TWIST2: variants seen among roughly 807,000 people sequenced by gnomAD.
TWIST2 encodes twist family bHLH transcription factor 2.
A neutral mutation model predicts 11.6 loss-of-function variants in TWIST2; 1 was observed. The ratio of observed to expected loss-of-function variants is 0.09; its 90% CI spans 0.03 to 0.41. TWIST2 has a LOEUF of 0.41. Among genes scored for constraint, TWIST2 ranks in the 10% least tolerant of loss-of-function variants. TWIST2 has a pLI of 0.98. For missense variants in TWIST2, 168 were observed against 226.4 expected, an observed-to-expected ratio of 0.74 and a Z score of 1.66; for synonymous variants, 87 against 96.6, an observed-to-expected ratio of 0.90 and a Z score of 0.58.
At chr2:238,875,341 C>T (rs1040530491) in intron 1 of TWIST2, among the ~76,000 whole-genome samples, 10 of 151,820 alleles carry the variant, frequency 6.6e-5, no homozygotes, top group African/African-American at 1.5e-4. Context: ...AAGAAGAAGA[C>T]GGCCTCTTCC....
At chr2:238,870,535 T>TC (rs1692655040) in intron 1 of TWIST2, among the ~76,000 whole-genome samples, 1 of 13,638 alleles carries the variant, frequency 7.3e-5, no homozygotes, top group Non-Finnish European at 1.4e-4. Flanking sequence ...CCACACACCC[T>TC]ACATACCCCA....
At chr2:238,892,770 C>T (rs1309101189) in intron 1 of TWIST2, among the ~76,000 whole-genome samples, 2 of 152,256 alleles carry the variant, frequency 1.3e-5, no homozygotes, top group East Asian at 1.9e-4. Context: ...TGTGAGCCGC[C>T]GCAACCGGCC....
At chr2:238,909,506 A>G (rs1489272338) in intron 1 of TWIST2, among the ~76,000 whole-genome samples, 2 of 152,042 alleles carry the variant, frequency 1.3e-5, no homozygotes, top group Non-Finnish European at 2.9e-5. Flanking sequence ...GGGCTCACCC[A>G]CAGCCAGACC....
chr2:238,849,572 T>A (rs1692205323), intron 1 of TWIST2, among the ~76,000 whole-genome samples: 1 of 152,100 alleles, frequency 6.6e-6, no homozygotes, highest in South Asian at 2.1e-4. Context: ...GCCCCGCCCA[T>A]CCAGCCCCGC....
chr2:238,895,111 T>A (rs1693192244), intron 1 of TWIST2, among the ~76,000 whole-genome samples: 1 of 152,238 alleles, frequency 6.6e-6, no homozygotes, highest in Non-Finnish European at 1.5e-5. Flanking sequence ...CTGTTGCTGC[T>A]GCTGCCACTG....
intron 1 of TWIST2, among the ~76,000 whole-genome samples, chr2:238,894,374 C>T (rs1445642663): frequency 2.0e-4 from 30 of 152,134 alleles, no homozygotes; most frequent in African/African-American, 5.8e-4. Context: ...GCCACCCAAG[C>T]TGGGCCCCTG....
In TWIST2 at chr2:238,905,912, T is replaced by C. The variant is rs1446154227; in HGVS notation, c.*36-3930T>C. Among the ~76,000 whole-genome samples the C allele has an allele frequency of 5.8e-3, 663 of 113,796 alleles. 2 individuals are homozygous for C. The highest frequency in any genetic ancestry group is 0.024 in the African/African-American group (586 of 24,468). 74.7% of individuals were successfully genotyped at this position (113,796 alleles called of 152,430 possible). On this transcript the variant is annotated intron_variant, in intron 1 of 1. Coordinates refer to ENST00000612363, the MANE Select transcript of TWIST2 (RefSeq NM_001271893.4). Reference sequence around the variant, plus strand: ...GCGCATGCGCGTGTGTGCGTGTGTGTGCGTGCAGGTGTGCGTGTGCGCGTG... The same window carrying C: ...GCGCATGCGCGTGTGTGCGTGTGTGCGCGTGCAGGTGTGCGTGTGCGCGTG...
At chr2:238,848,780 C>A in intron 1 of TWIST2, 47 bp downstream of exon 1, 1 of 1,306,474 alleles carries the variant, frequency 7.7e-7, no homozygotes, top group Non-Finnish European at 9.7e-7. Context: ...GGGGGGCGGG[C>A]GGCAGGGGCG....
chr2:238,906,907 TCTC>T, intron 1 of TWIST2, among the ~76,000 whole-genome samples: 1 of 152,302 alleles, frequency 6.6e-6, no homozygotes, highest in South Asian at 2.1e-4. Context: ...TCAGGGGAGT[TCTC>T]CAATAATTCT....
intron 1 of TWIST2, among the ~76,000 whole-genome samples, chr2:238,882,161 T>G (rs1277715696): frequency 1.3e-5 from 2 of 152,170 alleles, no homozygotes; most frequent in African/African-American, 4.8e-5. Flanking sequence ...TCCCTGTTCA[T>G]ACACCAAGCC....
chr2:238,909,046 GGTATGT>G (rs1693408249), intron 1 of TWIST2, among the ~76,000 whole-genome samples: 1 of 152,246 alleles, frequency 6.6e-6, no homozygotes, highest in Admixed American at 6.5e-5. Flanking sequence ...TCGTGGTTGT[GGTATGT>G]GTATGTGGTG....
intron 1 of TWIST2, among the ~76,000 whole-genome samples, chr2:238,894,858 T>C (rs1386997939): frequency 6.6e-6 from 1 of 152,252 alleles, no homozygotes; most frequent in Non-Finnish European, 1.5e-5. Context: ...ATTATGGACC[T>C]TTTAATCTCT....
At chr2:238,875,996 C>T (rs1258496924) in intron 1 of TWIST2, among the ~76,000 whole-genome samples, 4 of 152,294 alleles carry the variant, frequency 2.6e-5, no homozygotes, top group East Asian at 3.9e-4. Flanking sequence ...TGGGGGACCC[C>T]GAGGCCCTGG....
intron 1 of TWIST2, among the ~76,000 whole-genome samples, chr2:238,901,729 A>G (rs2106373250): frequency 6.6e-6 from 1 of 152,148 alleles, no homozygotes; most frequent in African/African-American, 2.4e-5. Flanking sequence ...CCACTGAAGG[A>G]CCGCGCCCAC....
rs1424297857 is a variant in TWIST2 at position 238,905,001 on chromosome 2, AAAAG to A, written c.*36-4836_*36-4833del. On this transcript the variant is annotated intron_variant, in intron 1 of 1. Coordinates refer to ENST00000612363, the MANE Select transcript of TWIST2 (RefSeq NM_001271893.4). ...AGAAAGAAAAAAAGAAGAAAGAAAG[AAAAG>A]AAAGGAAGGAAGGAAGAAAGAAGTA... Among the ~76,000 whole-genome samples, 29 of 152,004 alleles carry A rather than the reference AAAAG, an allele frequency of 1.9e-4. No homozygotes were observed. The South Asian group carries it at 3.3e-3, about 17-fold the overall frequency.
At chr2:238,878,194 T>G (rs1437830610) in intron 1 of TWIST2, among the ~76,000 whole-genome samples, 1 of 152,140 alleles carries the variant, frequency 6.6e-6, no homozygotes, top group Admixed American at 6.5e-5. Flanking sequence ...TCCCCCACTG[T>G]ACCCCTCCCT....
chr2:238,854,191 A>G (rs1046529841), intron 1 of TWIST2, among the ~76,000 whole-genome samples: 7 of 152,320 alleles, frequency 4.6e-5, no homozygotes, highest in Admixed American at 1.3e-4. Context: ...TTCGGTTATC[A>G]CATTCGATTA....
chr2:238,870,478 A>ACACACACCC (rs1304555981), intron 1 of TWIST2, among the ~76,000 whole-genome samples: 4 of 96,864 alleles, frequency 4.1e-5, no homozygotes, highest in East Asian at 3.1e-4. Context: ...GACACACGCC[A>ACACACACCC]CACACACACC....
chr2:238,857,278 G>A lies in TWIST2; in HGVS notation c.*35+8545G>A, dbSNP rs193299559. ...ACTTCCCTGGTCCCTGAGGCTGGAC[G>A]GGCCTTGGAGCCCATCTTCGCTAAG... On this transcript the variant is annotated intron_variant, in intron 1 of 1. Coordinates refer to ENST00000612363, the MANE Select transcript of TWIST2 (RefSeq NM_001271893.4). Among the ~76,000 whole-genome samples the A allele has an allele frequency of 1.3e-4, 20 of 152,292 alleles. 1 individual carries two copies. In the East Asian group the frequency reaches 3.5e-3, roughly 27 times the overall value.
Sources: gnomAD v4.1 joint callset for allele counts (sites outside exome capture counted in the v4.1 genomes callset) on GRCh38, gnomAD v4.1.1 for gene constraint, MANE v1.5 for transcripts, NCBI Gene and HGNC (gene_info 2026-07-23, HGNC 2026-07-21) for gene names.